Variants in PCP4 observed in about 807,000 individuals in gnomAD.
PCP4 encodes calmodulin regulator protein PCP4.
A neutral mutation model predicts 10.0 loss-of-function variants in PCP4; 8 were observed. The observed-to-expected ratio is 0.80, with a 90% CI of 0.47 to 1.45. The LOEUF (loss-of-function observed/expected upper bound fraction) is 1.45. Among genes scored for constraint, PCP4 ranks in the 40% most tolerant of loss-of-function variants. The pLI is 0.00. For missense variants in PCP4, 54 were observed against 74.4 expected, an observed-to-expected ratio of 0.73 and a Z score of 1.01; for synonymous variants, 21 against 23.0, an observed-to-expected ratio of 0.91 and a Z score of 0.24.
chr21:39,903,887 A>C (rs909606030), intron 2 of PCP4, among the ~76,000 whole-genome samples: 4 of 151,522 alleles, frequency 2.6e-5, no homozygotes, highest in African/African-American at 7.3e-5. Flanking sequence ...AAAAAAAAAA[A>C]AAAAAAAAAG....
intron 1 of PCP4, among the ~76,000 whole-genome samples, chr21:39,881,959 C>T (rs976358464): frequency 1.3e-5 from 2 of 152,206 alleles, no homozygotes; most frequent in Non-Finnish European, 2.9e-5. Flanking sequence ...TCCTAAGCCT[C>T]TCTGTGTCTC....
intron 1 of PCP4, among the ~76,000 whole-genome samples, chr21:39,875,429 G>A (rs577889138): frequency 1.4e-4 from 21 of 152,298 alleles, no homozygotes; most frequent in East Asian, 9.7e-4. Flanking sequence ...TCCAAGACGG[G>A]CGATGGTGTG....
intron 2 of PCP4, among the ~76,000 whole-genome samples, chr21:39,912,773 A>G (rs1489123002): frequency 6.6e-6 from 1 of 152,068 alleles, no homozygotes; most frequent in Non-Finnish European, 1.5e-5. Context: ...TGCAGTAGTG[A>G]GATCTTAGCT....
chr21:39,895,714 T>A (rs2087453672), intron 1 of PCP4, among the ~76,000 whole-genome samples: 1 of 152,238 alleles, frequency 6.6e-6, no homozygotes, highest in African/African-American at 2.4e-5. Context: ...GAGTTGATGG[T>A]GCTTGAGCGC....
intron 1 of PCP4, among the ~76,000 whole-genome samples, chr21:39,874,596 A>G (rs2146324925): frequency 1.3e-5 from 2 of 152,290 alleles, no homozygotes; most frequent in South Asian, 2.1e-4. Context: ...GAGTAAAAAT[A>G]TAACAAGGAA....
At chr21:39,869,166 G>T (rs1008368456) in intron 1 of PCP4, among the ~76,000 whole-genome samples, 2 of 152,182 alleles carry the variant, frequency 1.3e-5, no homozygotes, top group South Asian at 4.1e-4. Flanking sequence ...CTGAGGGGTG[G>T]CCTCTCGGGT....
At chr21:39,883,971 C>T (rs903317651) in intron 1 of PCP4, among the ~76,000 whole-genome samples, 2 of 152,100 alleles carry the variant, frequency 1.3e-5, no homozygotes, top group African/African-American at 2.4e-5. Flanking sequence ...TTGTTATTCT[C>T]ATGTAATAAA....
Position 39,906,533 on chromosome 21 carries a change from C to A in PCP4, c.61+8006C>A. Among the ~76,000 whole-genome samples, 1 of 147,542 alleles carries A rather than the reference C, an allele frequency of 6.8e-6. No individual in the cohort carries two copies. The highest frequency in any genetic ancestry group is 1.5e-5 in the Non-Finnish European group (1 of 67,944). On this transcript the variant is annotated intron_variant, in intron 2 of 2. Coordinates refer to ENST00000328619, the MANE Select transcript of PCP4 (RefSeq NM_006198.3). This position sits in a 1 kb window ranked among gnomAD's most constrained non-coding sequence, Gnocchi z 6.3. ...GCCCTCTTCCTCACCCTTTCTCTTTCTCCCTCCTTCCTTCCTTCCGCTCCT... is the reference window on the plus strand; with the variant it reads ...GCCCTCTTCCTCACCCTTTCTCTTTATCCCTCCTTCCTTCCTTCCGCTCCT...
At chr21:39,928,137 A>G (rs1292548811) in intron 2 of PCP4, among the ~76,000 whole-genome samples, 4 of 152,130 alleles carry the variant, frequency 2.6e-5, no homozygotes, top group Non-Finnish European at 5.9e-5. Flanking sequence ...TGATACACCC[A>G]TCACCTGAGC....
At chr21:39,887,630 A>G (rs1045558916) in intron 1 of PCP4, among the ~76,000 whole-genome samples, 1 of 152,184 alleles carries the variant, frequency 6.6e-6, no homozygotes, top group African/African-American at 2.4e-5. Context: ...CATTTGCTTA[A>G]TGATCGAGGT....
intron 1 of PCP4, among the ~76,000 whole-genome samples, chr21:39,877,616 G>C (rs1360503047): frequency 6.6e-6 from 1 of 152,062 alleles, no homozygotes; most frequent in East Asian, 1.9e-4. Context: ...TGGATGGTTT[G>C]AGCCTGGGAG....
At chr21:39,914,294 T>C (rs2087557402) in intron 2 of PCP4, among the ~76,000 whole-genome samples, 1 of 152,098 alleles carries the variant, frequency 6.6e-6, no homozygotes. Flanking sequence ...AAAGTCAAAA[T>C]CTTTGGCCAG....
Position 39,867,494 on chromosome 21 carries a change from G to C in PCP4, c.-8G>C, listed in dbSNP as rs897099499. The C allele has an allele frequency of 6.2e-7, 1 of 1,614,200 alleles. No homozygotes were observed. Among genetic ancestry groups the C allele is most frequent in the Non-Finnish European group, 8.5e-7 (1 of 1,180,014 alleles). ...GCGGCGGGACTGAGCTGTTGAGTTA[G>C]AGCCAACATGAGTGAGGTGAGTGAT... On this transcript the variant is annotated 5_prime_UTR_variant, in exon 1 of 3. Transcript: ENST00000328619.
At chr21:39,882,252 G>A (rs2087379378) in intron 1 of PCP4, among the ~76,000 whole-genome samples, 1 of 152,188 alleles carries the variant, frequency 6.6e-6, no homozygotes, top group Admixed American at 6.5e-5. Context: ...TGAGGATGCC[G>A]AGTGCAGCGG....
chr21:39,889,335 C>T (rs893871792), intron 1 of PCP4, among the ~76,000 whole-genome samples: 3 of 152,010 alleles, frequency 2.0e-5, no homozygotes, highest in Non-Finnish European at 4.4e-5. Context: ...TTCCCTAACC[C>T]TTAGGGGTCT....
At chr21:39,868,265 C>T (rs1041800106) in intron 1 of PCP4, among the ~76,000 whole-genome samples, 2 of 152,140 alleles carry the variant, frequency 1.3e-5, no homozygotes, top group African/African-American at 2.4e-5. Context: ...ACTCAATAAC[C>T]GAGCCAAATG....
chr21:39,893,983 C>A (rs1021865619), intron 1 of PCP4, among the ~76,000 whole-genome samples: 5 of 152,142 alleles, frequency 3.3e-5, no homozygotes, highest in Non-Finnish European at 7.3e-5. Context: ...CTTCTAGACT[C>A]TTTGGTGAGC....
Position 39,927,279 on chromosome 21 carries a change from GATCTATCTATCT to G in PCP4, c.62-1673_62-1662del, listed in dbSNP as rs10526940. Among the ~76,000 whole-genome samples the G allele has an allele frequency of 8.5e-3, 1,178 of 139,194 alleles. 7 individuals are homozygous for G. Among genetic ancestry groups the G allele is most frequent in the Non-Finnish European group, 0.014 (857 of 63,116 alleles). The allele number at this position is 139,194 out of a possible 152,430, so 91.3% of individuals were successfully genotyped here. A position where few individuals can be genotyped will look rare whatever the true frequency, so the allele number is the denominator to read the frequency against. On this transcript the variant is annotated intron_variant, in intron 2 of 2. Coordinates refer to ENST00000328619, the MANE Select transcript of PCP4 (RefSeq NM_006198.3). ...CTTATGTTTGTCTGTCTGTCTCTCT[GATCTATCTATCT>G]ATCTATCTATCTATCTATCTATCTA...
At chr21:39,874,486 A>G (rs1246926696) in intron 1 of PCP4, among the ~76,000 whole-genome samples, 1 of 152,220 alleles carries the variant, frequency 6.6e-6, no homozygotes, top group African/African-American at 2.4e-5. Context: ...GCTTTGGTCA[A>G]TAATCGAATG....
Sources: gnomAD v4.1 joint callset for allele counts (sites outside exome capture counted in the v4.1 genomes callset) on GRCh38, gnomAD v4.1.1 for gene constraint, Gnocchi (gnomAD v3.1) non-coding constraint, MANE v1.5 for transcripts, NCBI Gene and HGNC (gene_info 2026-07-23, HGNC 2026-07-21) for gene names.